Variants in CCDC85C observed in about 807,000 individuals in gnomAD.
CCDC85C encodes coiled-coil domain-containing protein 85C.
In CCDC85C, 18 loss-of-function variants were observed where a neutral mutation model predicts 38.3. The observed-to-expected ratio is 0.47, with a 90% CI of 0.33 to 0.70. The LOEUF is 0.70. Among genes scored for constraint, CCDC85C ranks in the 30% least tolerant of loss-of-function variants. The probability of loss-of-function intolerance (pLI) is 0.03; values close to 1 mark genes in which losing one functional copy is unlikely to be tolerated. For synonymous variants in CCDC85C, 264 were observed against 293.8 expected (o/e 0.90, Z 1.04); for missense variants, 566 against 621.2 (o/e 0.91, Z 0.94).
intron 1 of CCDC85C, among the ~76,000 whole-genome samples, chr14:99,586,555 G>A (rs1342206511): frequency 6.6e-6 from 1 of 152,180 alleles, no homozygotes; most frequent in Non-Finnish European, 1.5e-5. Flanking sequence ...TGGGCTTGGG[G>A]GCTCCGCTTC....
chr14:99,512,784 G>C lies in CCDC85C; in HGVS notation c.*2462C>G, dbSNP rs772016836. ...CAGAAGGAAGGGGGTCGCCCTGCTA[G>C]TGACGGAGCTGGGAGTCACCCTGAG... On this transcript the variant is annotated 3_prime_UTR_variant, in exon 6 of 6. Coordinates refer to ENST00000380243, the MANE Select transcript of CCDC85C (RefSeq NM_001144995.2). 6.6e-6 allele frequency: 1 copy of C among 152,232 alleles called. No individual in the cohort carries two copies. Among genetic ancestry groups the C allele is most frequent in the Non-Finnish European group, 1.5e-5 (1 of 68,050 alleles). The allele number at this position is 152,232 out of a possible 1,614,324, so 9.4% of individuals were successfully genotyped here.
intron 1 of CCDC85C, among the ~76,000 whole-genome samples, chr14:99,587,734 C>T (rs952921397): frequency 6.6e-6 from 1 of 152,114 alleles, no homozygotes; most frequent in Non-Finnish European, 1.5e-5. Context: ...GGAGCAGAAC[C>T]CCCGTACAGT....
In CCDC85C at chr14:99,524,593, C is replaced by T. The variant is rs141441441; in HGVS notation, c.868-2353G>A. Among the ~76,000 whole-genome samples the T allele has an allele frequency of 1.2e-4, 18 of 152,320 alleles. No homozygotes were observed. The East Asian group carries it at 3.5e-3, about 29-fold the overall frequency. On this transcript the variant is annotated intron_variant, in intron 2 of 5. Coordinates refer to ENST00000380243, the MANE Select transcript of CCDC85C (RefSeq NM_001144995.2). ...AAGCCACAAAGCCAGGCAGGAAAAA[C>T]ACACAATCTCTCATTAAGGGGCAAT...
rs1037437350 is a variant in CCDC85C at position 99,535,776 on chromosome 14, G to C, written c.867+239C>G. ...GGTGTTGTCCACCCTCTCAGGCCCT[G>C]GGCCAGCCCTGAGGAGCTCGCATAC... On this transcript the variant is annotated intron_variant, in intron 2 of 5. Transcript: ENST00000380243. This position sits in a 1 kb window ranked among gnomAD's most constrained non-coding sequence, Gnocchi z 5.5. Among the ~76,000 whole-genome samples, 1 of 152,184 alleles carries C rather than the reference G, an allele frequency of 6.6e-6. No homozygotes were observed. The highest frequency in any genetic ancestry group is 1.5e-5 in the Non-Finnish European group (1 of 68,028).
At chr14:99,543,197 T>C (rs982918046) in intron 1 of CCDC85C, among the ~76,000 whole-genome samples, 1 of 152,128 alleles carries the variant, frequency 6.6e-6, no homozygotes, top group Non-Finnish European at 1.5e-5. Flanking sequence ...GTTCCCAGTA[T>C]GGCAAAGGAA....
chr14:99,575,954 G>T (rs941559), intron 1 of CCDC85C, among the ~76,000 whole-genome samples: 1 of 152,100 alleles, frequency 6.6e-6, no homozygotes, highest in Non-Finnish European at 1.5e-5. Flanking sequence ...AATCACACAC[G>T]TGGGCTGAGA....
chr14:99,531,351 G>C (rs1050751325), intron 2 of CCDC85C, among the ~76,000 whole-genome samples: 1 of 152,098 alleles, frequency 6.6e-6, no homozygotes, highest in Non-Finnish European at 1.5e-5. Context: ...AGGCCCCAGC[G>C]TCAATTACAG....
At chr14:99,567,505 G>C (rs772987068) in intron 1 of CCDC85C, among the ~76,000 whole-genome samples, 6 of 152,190 alleles carry the variant, frequency 3.9e-5, no homozygotes, top group Non-Finnish European at 5.9e-5. Context: ...GGACAGCCAA[G>C]GTGCGGCAGA....
chr14:99,529,745 G>A (rs577133228), intron 2 of CCDC85C, among the ~76,000 whole-genome samples: 1 of 152,328 alleles, frequency 6.6e-6, no homozygotes, highest in African/African-American at 2.4e-5. Flanking sequence ...CCTTGGCTGA[G>A]TAAGCCAGAG....
intron 1 of CCDC85C, among the ~76,000 whole-genome samples, chr14:99,575,173 G>A (rs770035639): frequency 1.3e-5 from 2 of 152,224 alleles, no homozygotes; most frequent in Non-Finnish European, 2.9e-5. Flanking sequence ...CTGAGTTCCC[G>A]TACACAGGAG....
intron 1 of CCDC85C, among the ~76,000 whole-genome samples, chr14:99,565,377 T>A (rs192844683): frequency 6.6e-6 from 1 of 152,338 alleles, no homozygotes; most frequent in East Asian, 1.9e-4. Context: ...ATGCAATGCC[T>A]GGCACAATGT....
chr14:99,510,801 CTTTG>C lies in CCDC85C; in HGVS notation c.*4441_*4444del, dbSNP rs1897112016. On this transcript the variant is annotated 3_prime_UTR_variant, in exon 6 of 6. Transcript: ENST00000380243. ...GAGATAACGTGAGCCTTTTTTCCCT[CTTTG>C]TTTTTTTAACAAGATTTTCTAATCG... 7.1e-7 allele frequency: 1 copy of C among 1,412,448 alleles called. No individual in the cohort carries two copies. The highest frequency in any genetic ancestry group is 9.2e-7 in the Non-Finnish European group (1 of 1,082,794). The allele number at this position is 1,412,448 out of a possible 1,614,324, so 87.5% of individuals were successfully genotyped here.
At position 99,536,007 on chromosome 14, in the gene CCDC85C, C is replaced by T. The variant is rs1047514313; in HGVS notation, c.867+8G>A. 9 of 1,550,560 alleles carry T rather than the reference C, an allele frequency of 5.8e-6. No homozygotes were observed. Among genetic ancestry groups the T allele is most frequent in the Middle Eastern group, 1.7e-4 (1 of 5,942 alleles). On this transcript the variant is annotated splice_region_variant and intron_variant, in intron 2 of 5. Transcript: ENST00000380243. ...TCCTCAAGGCAGCGCCACCCGAAGC[C>T]GGCCTACCTGTGCGAGGAGCTTGTC...
chr14:99,530,808 A>G (rs1897478807), intron 2 of CCDC85C, among the ~76,000 whole-genome samples: 1 of 152,220 alleles, frequency 6.6e-6, no homozygotes, highest in South Asian at 2.1e-4. Flanking sequence ...CTGAAGCCAC[A>G]CAGCAGGTGA....
intron 1 of CCDC85C, among the ~76,000 whole-genome samples, chr14:99,591,736 T>TC (rs1239501510): frequency 7.0e-5 from 10 of 142,484 alleles, no homozygotes; most frequent in African/African-American, 2.5e-4. Context: ...TTTCTTTTCT[T>TC]TTTTTTTTTT....
intron 1 of CCDC85C, among the ~76,000 whole-genome samples, chr14:99,580,316 A>C (rs1341440045): frequency 6.6e-6 from 1 of 151,606 alleles, no homozygotes; most frequent in East Asian, 2.0e-4. Flanking sequence ...CCATTAACAC[A>C]GCCCAGCCCA....
At chr14:99,551,968 G>A (rs1371395863) in intron 1 of CCDC85C, among the ~76,000 whole-genome samples, 2 of 152,218 alleles carry the variant, frequency 1.3e-5, no homozygotes, top group African/African-American at 2.4e-5. Context: ...GTAAATTCCA[G>A]GCCCCGGGCC....
chr14:99,543,460 C>T (rs1897751016), intron 1 of CCDC85C, among the ~76,000 whole-genome samples: 1 of 152,180 alleles, frequency 6.6e-6, no homozygotes, highest in Non-Finnish European at 1.5e-5. Context: ...ACATCTACTG[C>T]AACGCAAAGA....
intron 1 of CCDC85C, among the ~76,000 whole-genome samples, chr14:99,581,823 G>A (rs1247676714): frequency 1.3e-5 from 2 of 152,182 alleles, no homozygotes; most frequent in African/African-American, 4.8e-5. Flanking sequence ...GGGCTGCGTG[G>A]TGGATAAGGA....
Sources: gnomAD v4.1 joint callset for allele counts (sites outside exome capture counted in the v4.1 genomes callset) on GRCh38, gnomAD v4.1.1 for gene constraint, Gnocchi (gnomAD v3.1) non-coding constraint, MANE v1.5 for transcripts, NCBI Gene and HGNC (gene_info 2026-07-23, HGNC 2026-07-21) for gene names.